SETBP1: variants seen among roughly 807,000 people sequenced by gnomAD.
The protein encoded by SETBP1 is SET-binding protein.
Under a neutral mutation model 101.0 loss-of-function variants are expected in SETBP1, and 9 were observed. The observed-to-expected ratio is 0.09, with a 90% CI of 0.05 to 0.16. The LOEUF (loss-of-function observed/expected upper bound fraction) is 0.16, where lower values mean the gene tolerates loss of function less well. Ranked by LOEUF, SETBP1 falls within the 10% of genes least tolerant of loss-of-function variation. The probability of loss-of-function intolerance (pLI) is 1.00; values close to 1 mark genes in which losing one functional copy is unlikely to be tolerated. For missense variants in SETBP1, 1,858 were observed against 2,033.8 expected (o/e 0.91, Z 1.66); for synonymous variants, 818 against 788.5 (o/e 1.04, Z -0.63).
intron 2 of SETBP1, among the ~76,000 whole-genome samples, chr18:44,802,690 G>A (rs184296375): frequency 2.0e-5 from 3 of 152,078 alleles, no homozygotes; most frequent in Non-Finnish European, 4.4e-5. Context: ...CCTATGTGTG[G>A]TTTGTCTCAC....
At chr18:44,899,706 A>G (rs913161915) in intron 3 of SETBP1, among the ~76,000 whole-genome samples, 64 of 152,194 alleles carry the variant, frequency 4.2e-4, no homozygotes, top group African/African-American at 1.5e-3. Context: ...TCCACAAACT[A>G]TGTAGCTGGT....
At chr18:44,684,706 G>A (rs1418039662) in intron 1 of SETBP1, among the ~76,000 whole-genome samples, 1 of 151,910 alleles carries the variant, frequency 6.6e-6, no homozygotes, top group African/African-American at 2.4e-5. Flanking sequence ...GAGTGCAGTG[G>A]CGTGATCTTG....
intron 2 of SETBP1, 61 bp from the exon 3 acceptor site, chr18:44,869,169 G>A (rs988423054): frequency 3.2e-5 from 47 of 1,448,166 alleles, no homozygotes; most frequent in East Asian, 1.1e-4. Flanking sequence ...GTCAGTTGTC[G>A]TGGGGATACT....
rs941815683 is a variant in SETBP1, at chr18:44,971,756, A to T, written c.4000+18416A>T. On this transcript the variant is annotated intron_variant, in intron 4 of 5. Transcript: ENST00000649279. ...TTTCCTTGTAAATTTGTTTGAGTTC[A>T]TTGTAGATTCTGGCTATTAGCCCTT... is the stretch of plus-strand genomic sequence containing the variant. Among the ~76,000 whole-genome samples, 5 of 152,054 alleles carry T rather than the reference A, an allele frequency of 3.3e-5. No individual in the cohort carries two copies. The South Asian group carries it at 6.2e-4, about 19-fold the overall frequency.
intron 3 of SETBP1, among the ~76,000 whole-genome samples, chr18:44,940,009 G>T (rs918271818): frequency 2.0e-5 from 3 of 152,136 alleles, no homozygotes; most frequent in Admixed American, 6.5e-5. Flanking sequence ...ACCTTTAATT[G>T]TGGAATCATC....
chr18:44,750,672 C>G (rs1482414238), intron 2 of SETBP1, among the ~76,000 whole-genome samples: 1 of 152,172 alleles, frequency 6.6e-6, no homozygotes, highest in Non-Finnish European at 1.5e-5. Context: ...TGCCAGACAC[C>G]ACCAGACTTC....
intron 2 of SETBP1, among the ~76,000 whole-genome samples, chr18:44,774,311 G>A (rs1046469260): frequency 6.6e-6 from 1 of 151,988 alleles, no homozygotes; most frequent in Non-Finnish European, 1.5e-5. Flanking sequence ...ATACATTTCT[G>A]ACCTTGATCC....
chr18:45,039,884 A>T (rs755654146), intron 5 of SETBP1, among the ~76,000 whole-genome samples: 1 of 152,222 alleles, frequency 6.6e-6, no homozygotes, highest in African/African-American at 2.4e-5. Flanking sequence ...CACTTCCCCA[A>T]TTGAATTCAG....
intron 3 of SETBP1, among the ~76,000 whole-genome samples, chr18:44,875,982 T>C (rs907460040): frequency 1.3e-5 from 2 of 152,230 alleles, no homozygotes; most frequent in African/African-American, 2.4e-5. Flanking sequence ...CCTTCGTTTT[T>C]GAAGATTGTA....
At chr18:45,019,692 A>C (rs1184959234) in intron 4 of SETBP1, among the ~76,000 whole-genome samples, 1 of 151,956 alleles carries the variant, frequency 6.6e-6, no homozygotes, top group Admixed American at 6.6e-5. Context: ...TTTTTTTTTC[A>C]ACAGGTTCTG....
intron 2 of SETBP1, among the ~76,000 whole-genome samples, chr18:44,757,720 C>G (rs190828898): frequency 1.5e-3 from 222 of 151,698 alleles, no homozygotes; most frequent in Middle Eastern, 3.4e-3. Flanking sequence ...AGAGATTAAA[C>G]GACTTGTCTC....
At chr18:44,997,180 A>G (rs540715616) in intron 4 of SETBP1, among the ~76,000 whole-genome samples, 7 of 152,182 alleles carry the variant, frequency 4.6e-5, no homozygotes, top group South Asian at 2.1e-4. Context: ...ATCTGCCCCT[A>G]TGATACTAGC....
At chr18:44,889,824 T>C (rs1402584020) in intron 3 of SETBP1, among the ~76,000 whole-genome samples, 2 of 152,170 alleles carry the variant, frequency 1.3e-5, no homozygotes, top group Non-Finnish European at 2.9e-5. Context: ...TTACAAATAA[T>C]TGGCCAATAG....
chr18:44,881,991 C>A (rs924635293), intron 3 of SETBP1, among the ~76,000 whole-genome samples: 1 of 152,070 alleles, frequency 6.6e-6, no homozygotes, highest in African/African-American at 2.4e-5. Flanking sequence ...TAGCTCTGGG[C>A]GGAGAGACTT....
rs75406197 is a variant in SETBP1 at position 44,853,915 on chromosome 18, G to A, written c.487-15315G>A. Among the ~76,000 whole-genome samples the A allele has an allele frequency of 4.6e-3, 695 of 152,260 alleles. 14 individuals carry two copies. Among genetic ancestry groups the A allele is most frequent in the Admixed American group, 0.03 (457 of 15,296 alleles). ...AACTTCTACTCATCCTTTGGGGGAT[G>A]GCTTTATTGTCACTTCCTCAGGAAA... On this transcript the variant is annotated intron_variant, in intron 2 of 5. Transcript: ENST00000649279.
Position 44,869,755 on chromosome 18 carries a change from T to C in SETBP1, c.540+472T>C, listed in dbSNP as rs1599252485. 3 of 247,820 alleles carry C rather than the reference T, an allele frequency of 1.2e-5. No homozygotes were observed. The South Asian group carries it at 1.7e-4, about 14-fold the overall frequency. 15.4% of individuals were successfully genotyped at this position (247,820 alleles called of 1,614,324 possible). A position where few individuals can be genotyped will look rare whatever the true frequency, so the allele number is the denominator to read the frequency against. On this transcript the variant is annotated intron_variant, in intron 3 of 5. Coordinates refer to ENST00000649279, the MANE Select transcript of SETBP1 (RefSeq NM_015559.3). ...GCAGACAGTTGAGGTTTGCTGATCT[T>C]GGTCAGGAAATGGGCCACTGTTATC... is the stretch of plus-strand genomic sequence containing the variant.
chr18:45,003,303 A>G (rs938584418), intron 4 of SETBP1, among the ~76,000 whole-genome samples: 6 of 152,308 alleles, frequency 3.9e-5, no homozygotes, highest in African/African-American at 1.4e-4. Flanking sequence ...TTGGCTCACA[A>G]TCTGGTTCTA....
chr18:44,982,468 T>C (rs748075918), intron 4 of SETBP1, among the ~76,000 whole-genome samples: 12 of 152,244 alleles, frequency 7.9e-5, no homozygotes, highest in Non-Finnish European at 1.8e-4. Context: ...TGGCTCTGGT[T>C]CGACTTGCAT....
intron 2 of SETBP1, among the ~76,000 whole-genome samples, chr18:44,806,157 A>G (rs1472016433): frequency 1.3e-5 from 2 of 152,230 alleles, no homozygotes; most frequent in Non-Finnish European, 2.9e-5. Context: ...GCTGAGAATA[A>G]ATAGAAAAAT....
Sources: allele counts gnomAD v4.1 joint callset (sites outside exome capture counted in the v4.1 genomes callset), GRCh38; gene constraint gnomAD v4.1.1; transcripts MANE v1.5; gene names NCBI Gene and HGNC (gene_info 2026-07-23, HGNC 2026-07-21).